The following LIPT1 variants were observed in gnomAD, a reference collection of about 807,000 sequenced individuals.
LIPT1 encodes the protein lipoyl amidotransferase LIPT1, mitochondrial.
A neutral mutation model predicts 25.1 loss-of-function variants in LIPT1; 22 were observed. The ratio of observed to expected loss-of-function variants is 0.88; its 90% CI spans 0.63 to 1.25. The LOEUF (loss-of-function observed/expected upper bound fraction) is 1.25, where lower values mean the gene tolerates loss of function less well. Ranked by LOEUF, LIPT1 falls within the 50% of genes most tolerant of loss-of-function variation. The pLI, the probability that LIPT1 is intolerant of heterozygous loss-of-function variation, is 0.00. For synonymous variants in LIPT1, 131 were observed against 150.8 expected, an observed-to-expected ratio of 0.87 and a Z score of 0.96; for missense variants, 399 against 432.8, an observed-to-expected ratio of 0.92 and a Z score of 0.69.
At chr2:99,161,749 C>G (rs574383900) in intron 1 of LIPT1, 2 of 464,072 alleles carry the variant, frequency 4.3e-6, no homozygotes, top group African/African-American at 4.0e-5. Flanking sequence ...ATTATTTCAA[C>G]TGAAATTATT....
intron 1 of LIPT1, among the ~76,000 whole-genome samples, chr2:99,155,841 G>A (rs2093746338): frequency 6.6e-6 from 1 of 152,220 alleles, no homozygotes; most frequent in African/African-American, 2.4e-5. Context: ...TTAAGGAAGT[G>A]TCTTCCCCAG....
At chr2:99,159,118 CG>C (rs1249682211) in intron 1 of LIPT1, among the ~76,000 whole-genome samples, 1 of 151,882 alleles carries the variant, frequency 6.6e-6, no homozygotes, top group African/African-American at 2.4e-5. Context: ...TTAGTAGAGA[CG>C]GGGTTTCACT....
Position 99,162,187 on chromosome 2 carries a change from A to G in LIPT1, c.230A>G (p.His77Arg), listed in dbSNP as rs1559170831. 6.2e-7 allele frequency: 1 copy of G among 1,614,174 alleles called. No homozygotes were observed. Among genetic ancestry groups the G allele is most frequent in the Non-Finnish European group, 8.5e-7 (1 of 1,180,032 alleles). ...QNSPSVVIGR[H>R]QNPWQECNLN... ...TCTCCCTCTGTTGTAATTGGTAGGC[A>G]TCAAAATCCTTGGCAGGAATGTAAC... Residue 77 changes from histidine (H) to arginine (R), a missense_variant, in exon 2 of 2, where the codon CAT (histidine) becomes CGT (arginine). Coordinates refer to ENST00000651691, the MANE Select transcript of LIPT1 (RefSeq NM_145199.3).
chr2:99,161,819 T>C (rs2093795065), intron 1 of LIPT1, 138 bp from the exon 2 acceptor site: 2 of 634,882 alleles, frequency 3.2e-6, no homozygotes, highest in Non-Finnish European at 5.4e-6. Flanking sequence ...TAAAGACTAA[T>C]TGTAAAGCTA....
intron 1 of LIPT1, chr2:99,155,259 CAGGA>C (rs2093739149): frequency 8.2e-6 from 3 of 367,094 alleles, no homozygotes; most frequent in South Asian, 6.0e-5. Flanking sequence ...ATCCCGAACA[CAGGA>C]GGGAGGGTAA....
At chr2:99,160,496 C>T (rs1032285012) in intron 1 of LIPT1, among the ~76,000 whole-genome samples, 1 of 152,150 alleles carries the variant, frequency 6.6e-6, no homozygotes, top group Admixed American at 6.5e-5. Context: ...AGTTCTTCAA[C>T]CTGAAGGAAA....
At position 99,162,041 on chromosome 2, in the gene LIPT1, A is replaced by G. The variant is rs1265605596; in HGVS notation, c.84A>G (p.Val28=). ...QVPAAGFKKT[V]KNGLILQSIS... ...CAGCAGCTGGCTTTAAAAAAACAGT[A>G]AAAAATGGGCTCATTTTACAGTCAA... Residue 28 remains valine, a synonymous_variant, in exon 2 of 2, where the codon GTA becomes GTG. Transcript: ENST00000651691. The G allele has an allele frequency of 6.2e-7, 1 of 1,613,942 alleles. No individual in the cohort carries two copies. Among genetic ancestry groups the G allele is most frequent in the Non-Finnish European group, 8.5e-7 (1 of 1,179,936 alleles).
chr2:99,162,448 G>C lies in LIPT1; in HGVS notation c.491G>C (p.Gly164Ala). The change falls in exon 2 of 2, where the codon GGA becomes GCA. Residue 164 changes from glycine to alanine, a missense_variant. By Grantham distance (60) the Gly-to-Ala change is moderately conservative (BLOSUM62 0). Transcript: ENST00000651691. ...CTTGATGGACAGTTTAAAATCTCAG[G>C]AACAGCTTCTAAGATCGGCCGGACT... ...LLLDGQFKIS[G>A]TASKIGRTTA... 6.2e-7 allele frequency: 1 copy of C among 1,613,962 alleles called. No homozygotes were observed. Among genetic ancestry groups the C allele is most frequent in the Non-Finnish European group, 8.5e-7 (1 of 1,180,030 alleles).
In LIPT1 at chr2:99,162,737, T is replaced by C. The variant is rs1440086223; in HGVS notation, c.780T>C (p.Asn260=). ...PTDETLFPGI[N]SKAKELQTWE... ...ATGAGACACTGTTTCCTGGAATAAA[T>C]AGCAAAGCCAAAGAACTGCAAACTT... is the stretch of plus-strand genomic sequence containing the variant. The change falls in exon 2 of 2, where the codon AAT becomes AAC. Residue 260 remains asparagine (N), a synonymous_variant. Coordinates refer to ENST00000651691, the MANE Select transcript of LIPT1 (RefSeq NM_145199.3). 2 of 1,613,994 alleles carry C rather than the reference T, an allele frequency of 1.2e-6. No homozygotes were observed. Among genetic ancestry groups the C allele is most frequent in the African/African-American group, 1.3e-5 (1 of 74,920 alleles).
Position 99,162,188 on chromosome 2 carries a change from TCAAAATCC to T in LIPT1, c.232_239del (p.Gln78LeufsTer5). The T allele has an allele frequency of 6.2e-7, 1 of 1,614,080 alleles. No individual in the cohort carries two copies. The highest frequency in any genetic ancestry group is 8.5e-7 in the Non-Finnish European group (1 of 1,180,008). ...CTCCCTCTGTTGTAATTGGTAGGCA[TCAAAATCC>T]TTGGCAGGAATGTAACCTGAATCTA... On this transcript the variant is annotated frameshift_variant, in exon 2 of 2. Coordinates refer to ENST00000651691, the MANE Select transcript of LIPT1 (RefSeq NM_145199.3). LOFTEE classifies it high-confidence loss of function.
intron 1 of LIPT1, among the ~76,000 whole-genome samples, chr2:99,158,062 A>G (rs1458431076): frequency 6.6e-6 from 1 of 152,190 alleles, no homozygotes; most frequent in Non-Finnish European, 1.5e-5. Context: ...GCCTGATAAT[A>G]TGAGATGAGT....
intron 1 of LIPT1, chr2:99,155,271 T>G (rs1467499692): frequency 2.7e-6 from 1 of 365,046 alleles, no homozygotes; most frequent in Non-Finnish European, 5.4e-6. Context: ...GGAGGGAGGG[T>G]AAATATCGTA....
chr2:99,155,169 C>T (rs1211148946), intron 1 of LIPT1, 118 bp downstream of exon 1: 3 of 420,046 alleles, frequency 7.1e-6, no homozygotes, highest in African/African-American at 2.0e-5. Flanking sequence ...CGGGTCGCCT[C>T]CGCCGGTGTT....
At chr2:99,158,572 A>G (rs1430256983) in intron 1 of LIPT1, among the ~76,000 whole-genome samples, 1 of 152,128 alleles carries the variant, frequency 6.6e-6, no homozygotes, top group African/African-American at 2.4e-5. Flanking sequence ...AAGTTCAAGC[A>G]TTTCACTTGG....
At chr2:99,161,329 TATATATATAG>T (rs2093790670) in intron 1 of LIPT1, 1 of 100,658 alleles carries the variant, frequency 9.9e-6, no homozygotes, top group Admixed American at 1.2e-4. Flanking sequence ...TATATATATA[TATATATATAG>T]ATTGAATGTC....
intron 1 of LIPT1, chr2:99,155,281 A>C: frequency 5.5e-6 from 2 of 366,128 alleles, no homozygotes; most frequent in South Asian, 4.0e-5. Context: ...TAAATATCGT[A>C]AAACATGTTG....
chr2:99,159,022 G>A (rs1327385765), intron 1 of LIPT1, among the ~76,000 whole-genome samples: 4 of 152,040 alleles, frequency 2.6e-5, no homozygotes, highest in African/African-American at 7.3e-5. Flanking sequence ...TCCGCCTCCC[G>A]GGTTCACACC....
chr2:99,159,009 A>C (rs978164960), intron 1 of LIPT1, among the ~76,000 whole-genome samples: 1 of 152,210 alleles, frequency 6.6e-6, no homozygotes, highest in East Asian at 1.9e-4. Context: ...GCTCACTGCA[A>C]GCTCCGCCTC....
At chr2:99,159,421 C>A (rs984738398) in intron 1 of LIPT1, among the ~76,000 whole-genome samples, 1 of 152,100 alleles carries the variant, frequency 6.6e-6, no homozygotes, top group Non-Finnish European at 1.5e-5. Context: ...TCTCTCCTAC[C>A]GTACTTTAGG....
Sources: gnomAD v4.1 joint callset for allele counts (sites outside exome capture counted in the v4.1 genomes callset) on GRCh38, gnomAD v4.1.1 for gene constraint, MANE v1.5 for transcripts, NCBI Gene and HGNC (gene_info 2026-07-23, HGNC 2026-07-21) for gene names.